The following ANO6 variants were observed in gnomAD, a reference collection of about 807,000 sequenced individuals.
The protein encoded by ANO6 is anoctamin-6.
A neutral mutation model predicts 117.5 loss-of-function variants in ANO6; 106 were observed. The ratio of observed to expected loss-of-function variants is 0.90; its 90% CI spans 0.77 to 1.06. ANO6 has a LOEUF of 1.06. ANO6 is among the 50% of genes least tolerant of loss of function. ANO6 has a pLI of 0.00. For synonymous variants in ANO6, 367 were observed against 385.1 expected (o/e 0.95, Z 0.55); for missense variants, 955 against 1,121.1 (o/e 0.85, Z 2.12).
At chr12:45,321,506 A>G (rs1940270149) in intron 2 of ANO6, among the ~76,000 whole-genome samples, 1 of 152,202 alleles carries the variant, frequency 6.6e-6, no homozygotes, top group Admixed American at 6.6e-5. Context: ...GTCTCAACAG[A>G]AAAGTCATTG....
chr12:45,298,502 C>G (rs1939371309), intron 1 of ANO6, among the ~76,000 whole-genome samples: 1 of 152,088 alleles, frequency 6.6e-6, no homozygotes, highest in South Asian at 2.1e-4. Context: ...AACTAGAGCC[C>G]CTCAGTAGTG....
chr12:45,223,560 C>T (rs1459961108), intron 1 of ANO6, among the ~76,000 whole-genome samples: 1 of 152,178 alleles, frequency 6.6e-6, no homozygotes, highest in Admixed American at 6.5e-5. Flanking sequence ...CCAAAGTGCT[C>T]ACAATGAATT....
At chr12:45,338,510 T>C (rs1940890133) in intron 3 of ANO6, among the ~76,000 whole-genome samples, 1 of 152,050 alleles carries the variant, frequency 6.6e-6, no homozygotes, top group African/African-American at 2.4e-5. Flanking sequence ...CCCAGCTAAC[T>C]TTTGGCAGGT....
intron 9 of ANO6, among the ~76,000 whole-genome samples, chr12:45,375,614 C>T (rs1329256443): frequency 1.8e-4 from 27 of 152,130 alleles, no homozygotes; most frequent in African/African-American, 6.3e-4. Context: ...AAAGGATTCC[C>T]TATTTAATAA....
chr12:45,360,325 G>A (rs1037295519), intron 8 of ANO6, among the ~76,000 whole-genome samples: 2 of 152,214 alleles, frequency 1.3e-5, no homozygotes, highest in African/African-American at 2.4e-5. Flanking sequence ...CTCTGAAGGA[G>A]AGGAATGCTG....
chr12:45,274,244 C>T (rs1938477881), intron 1 of ANO6, among the ~76,000 whole-genome samples: 1 of 152,170 alleles, frequency 6.6e-6, no homozygotes, highest in Non-Finnish European at 1.5e-5. Context: ...ATGTCCACTC[C>T]TTATCTCTCC....
intron 15 of ANO6, among the ~76,000 whole-genome samples, chr12:45,404,712 C>T (rs146945354): frequency 6.6e-6 from 1 of 152,038 alleles, no homozygotes; most frequent in Non-Finnish European, 1.5e-5. Context: ...CCCACCACCT[C>T]TTCCCTTGTT....
chr12:45,227,701 G>A (rs1226277305), intron 1 of ANO6, among the ~76,000 whole-genome samples: 1 of 151,656 alleles, frequency 6.6e-6, no homozygotes, highest in African/African-American at 2.4e-5. Context: ...ATCAAACATT[G>A]CTGTCCATTT....
chr12:45,436,258 C>T (rs890205316), downstream of ANO6, among the ~76,000 whole-genome samples: 14 of 152,194 alleles, frequency 9.2e-5, no homozygotes, highest in African/African-American at 3.1e-4. Flanking sequence ...AGCCACCAAT[C>T]AGGGCATAGC....
intron 12 of ANO6, among the ~76,000 whole-genome samples, chr12:45,399,969 A>T (rs1415343599): frequency 6.6e-6 from 1 of 152,210 alleles, no homozygotes; most frequent in Non-Finnish European, 1.5e-5. Flanking sequence ...CCAAAGAAAT[A>T]TGGGAACTTA....
intron 12 of ANO6, 131 bp from the exon 13 acceptor site, chr12:45,401,664 C>T (rs1196436020): frequency 1.3e-5 from 10 of 779,206 alleles, no homozygotes; most frequent in African/African-American, 3.5e-5. Context: ...GACTTTCTAC[C>T]ACCGCTGGTA....
At chr12:45,292,920 T>C in intron 1 of ANO6, 1 of 1,551,424 alleles carries the variant, frequency 6.4e-7, no homozygotes, top group Middle Eastern at 1.7e-4. Flanking sequence ...TGCTGTGGAA[T>C]GTTTTGTGCT....
At chr12:45,230,058 C>A (rs1947552077) in intron 1 of ANO6, among the ~76,000 whole-genome samples, 1 of 152,088 alleles carries the variant, frequency 6.6e-6, no homozygotes, top group South Asian at 2.1e-4. Flanking sequence ...TAAGTCTTAA[C>A]CCAGTCTTAC....
At chr12:45,411,989 G>T (rs1276995437) in intron 16 of ANO6, among the ~76,000 whole-genome samples, 1 of 152,164 alleles carries the variant, frequency 6.6e-6, no homozygotes, top group African/African-American at 2.4e-5. Context: ...ATATAAAACT[G>T]TTAGTTGATT....
chr12:45,434,153 A>G (rs1943681372), downstream of ANO6, among the ~76,000 whole-genome samples: 1 of 152,166 alleles, frequency 6.6e-6, no homozygotes, highest in Non-Finnish European at 1.5e-5. Flanking sequence ...TAGTTCTTCT[A>G]ATTAGAACCA....
At chr12:45,422,519 G>A (rs553485404) in intron 18 of ANO6, among the ~76,000 whole-genome samples, 1 of 151,878 alleles carries the variant, frequency 6.6e-6, no homozygotes, top group South Asian at 2.1e-4. Context: ...ACCAAATTGA[G>A]CTTTAAGAGA....
In ANO6 at chr12:45,302,103, A is replaced by C. The variant is rs370614802; in HGVS notation, c.150+10A>C. ...TCGAACCCCGGAGTTTGTGAGTACT[A>C]TTCCTTTATCTTAAATTTGTATTCT... On this transcript the variant is annotated intron_variant, in intron 2 of 19. Coordinates refer to ENST00000320560, the MANE Select transcript of ANO6 (RefSeq NM_001025356.3). 3 of 1,611,666 alleles carry C rather than the reference A, an allele frequency of 1.9e-6. No homozygotes were observed. Among genetic ancestry groups the C allele is most frequent in the Non-Finnish European group, 2.5e-6 (3 of 1,177,846 alleles).
At chr12:45,334,645 A>T (rs1275272960) in intron 3 of ANO6, among the ~76,000 whole-genome samples, 1 of 152,080 alleles carries the variant, frequency 6.6e-6, no homozygotes, top group Admixed American at 6.6e-5. Flanking sequence ...TTGGTCTTTC[A>T]TCTCTTGAGT....
intron 1 of ANO6, among the ~76,000 whole-genome samples, chr12:45,253,027 C>T (rs1331089783): frequency 6.6e-6 from 1 of 152,188 alleles, no homozygotes; most frequent in East Asian, 1.9e-4. Flanking sequence ...TTCTTGCTTA[C>T]TCTCTGTAGA....
Sources: gnomAD v4.1 joint callset for allele counts (sites outside exome capture counted in the v4.1 genomes callset) on GRCh38, gnomAD v4.1.1 for gene constraint, MANE v1.5 for transcripts, NCBI Gene and HGNC (gene_info 2026-07-23, HGNC 2026-07-21) for gene names.